The following LAMA1 variants were observed in gnomAD, a reference collection of about 807,000 sequenced individuals.
The protein encoded by LAMA1 is laminin subunit alpha-1.
LAMA1 carries 219 observed loss-of-function variants against 348.7 expected under a neutral mutation model. The ratio of observed to expected loss-of-function variants is 0.63; its 90% CI spans 0.56 to 0.70. LAMA1 has a LOEUF of 0.70. Among genes scored for constraint, LAMA1 ranks in the 30% least tolerant of loss-of-function variants. The pLI is 0.00. For synonymous variants in LAMA1, 1,487 were observed against 1,491.0 expected (o/e 1.00, Z 0.06); for missense variants, 3,744 against 3,888.0 (o/e 0.96, Z 0.99).
intron 57 of LAMA1, among the ~76,000 whole-genome samples, chr18:6,951,842 A>C (rs568989815): frequency 6.6e-5 from 10 of 152,330 alleles, no homozygotes; most frequent in Admixed American, 5.9e-4. Context: ...AATGAAAAAT[A>C]GCCCCTAGGC....
At chr18:6,954,902 T>G in intron 57 of LAMA1, 1 of 260,304 alleles carries the variant, frequency 3.8e-6, no homozygotes, top group South Asian at 4.6e-5. Flanking sequence ...GGCAGAAGGG[T>G]CCCAGGGACA....
chr18:7,017,328 G>A lies in LAMA1; in HGVS notation c.2758C>T (p.Leu920Phe), dbSNP rs1276740094. ...HSAVCHLETG[L>F]CDCKPNVTGQ... ...GTCACGTTTGGTTTGCAGTCACAGA[G>A]CCCGGTCTCAAGATGGCACACGGCA... Residue 920 changes from leucine (L) to phenylalanine (F), a missense_variant, in exon 20 of 63, where the codon CTC becomes TTC. Physicochemically the swap from Leu to Phe is conservative, Grantham distance 22 (BLOSUM62 0). Around this residue, in one of 3 missense-constraint regions of LAMA1, gnomAD observed 1,529 missense variants for 1,689.4 expected, o/e 0.91. Transcript: ENST00000389658. 5.0e-6 allele frequency: 8 copies of A among 1,613,930 alleles called. No individual in the cohort carries two copies. The highest frequency in any genetic ancestry group is 1.7e-5 in the Admixed American group (1 of 59,984).
chr18:6,973,030 T>C, intron 47 of LAMA1, 27 bp downstream of exon 47: 2 of 1,613,476 alleles, frequency 1.2e-6, no homozygotes, highest in Non-Finnish European at 1.7e-6. Context: ...CAATCAGTCC[T>C]GTTCAGAAGA....
intron 14 of LAMA1, 44 bp downstream of exon 14, chr18:7,034,435 G>C (rs745614640): frequency 9.4e-6 from 13 of 1,387,128 alleles, no homozygotes; most frequent in Non-Finnish European, 1.2e-5. Flanking sequence ...ACATAAAATG[G>C]AAGTACCTTC....
chr18:6,965,794 A>G, intron 49 of LAMA1: 1 of 400,090 alleles, frequency 2.5e-6, no homozygotes, highest in South Asian at 2.7e-5. Flanking sequence ...TGAAATTCCC[A>G]TGGATGGAAT....
rs1057059193 is a variant in LAMA1, at chr18:6,942,329, G to T, written c.9068-90C>A. On this transcript the variant is annotated intron_variant, in intron 62 of 62. Transcript: ENST00000389658. Reference sequence around the variant, plus strand: ...AAGCAACAGAAATAATCTCAAGCGGGTTTTTTTATTTTTTAAATTTTTCAC... The same window carrying T: ...AAGCAACAGAAATAATCTCAAGCGGTTTTTTTTATTTTTTAAATTTTTCAC... 5 of 1,400,892 alleles carry T rather than the reference G, an allele frequency of 3.6e-6. No homozygotes were observed. In the East Asian group the frequency reaches 7.3e-5, roughly 20 times the overall value. The allele number at this position is 1,400,892 out of a possible 1,614,324, so 86.8% of individuals were successfully genotyped here.
At chr18:7,100,178 A>T (rs753259616) in intron 1 of LAMA1, among the ~76,000 whole-genome samples, 24 of 152,144 alleles carry the variant, frequency 1.6e-4, no homozygotes, top group Non-Finnish European at 2.8e-4. Context: ...AAGAATATAA[A>T]CAACTTGATT....
At chr18:7,001,180 A>G (rs1285810585) in intron 30 of LAMA1, among the ~76,000 whole-genome samples, 2 of 152,210 alleles carry the variant, frequency 1.3e-5, no homozygotes, top group Admixed American at 6.5e-5. Context: ...ATTCAATTAC[A>G]TACTTCAATT....
intron 3 of LAMA1, among the ~76,000 whole-genome samples, chr18:7,064,230 G>T (rs551551227): frequency 1.3e-5 from 2 of 151,912 alleles, no homozygotes; most frequent in Non-Finnish European, 1.5e-5. Flanking sequence ...ACAAAAAAAG[G>T]TTACAATGGT....
intron 1 of LAMA1, among the ~76,000 whole-genome samples, chr18:7,096,141 T>A (rs2058260413): frequency 6.6e-6 from 1 of 152,236 alleles, no homozygotes; most frequent in African/African-American, 2.4e-5. Flanking sequence ...GTTAAGCAGC[T>A]AGTATTAAAA....
At chr18:7,093,978 C>T (rs928540740) in intron 1 of LAMA1, among the ~76,000 whole-genome samples, 1 of 151,642 alleles carries the variant, frequency 6.6e-6, no homozygotes, top group Non-Finnish European at 1.5e-5. Context: ...GGTTTTGCCA[C>T]GTTGTCCAAG....
chr18:7,049,337 T>C, intron 4 of LAMA1, 80 bp from the exon 5 acceptor site: 1 of 1,325,434 alleles, frequency 7.5e-7, no homozygotes, highest in Non-Finnish European at 1.1e-6. Flanking sequence ...TCTCGCTCTT[T>C]GGTCCAGGCT....
intron 3 of LAMA1, among the ~76,000 whole-genome samples, chr18:7,060,521 C>A (rs1228123004): frequency 6.6e-6 from 1 of 152,142 alleles, no homozygotes. Flanking sequence ...AAGCAGATTT[C>A]TTTCCTTAAA....
chr18:6,954,733 AG>A (rs1453683292), intron 57 of LAMA1: 12 of 152,494 alleles, frequency 7.9e-5, no homozygotes, highest in Admixed American at 6.5e-5. Flanking sequence ...CCCAGGTCTA[AG>A]GGGGTATGAC....
intron 57 of LAMA1, 173 bp downstream of exon 57, chr18:6,955,180 A>C: frequency 1.5e-6 from 1 of 649,478 alleles, no homozygotes; most frequent in Admixed American, 2.2e-5. Flanking sequence ...ACCACCATGA[A>C]AGCGTTGTGA....
At chr18:6,955,181 A>G in intron 57 of LAMA1, 172 bp downstream of exon 57, 1 of 650,538 alleles carries the variant, frequency 1.5e-6, no homozygotes, top group South Asian at 1.7e-5. Flanking sequence ...CCACCATGAA[A>G]GCGTTGTGAT....
At chr18:6,988,349 C>G (rs559055902) in intron 36 of LAMA1, among the ~76,000 whole-genome samples, 3 of 152,318 alleles carry the variant, frequency 2.0e-5, no homozygotes, top group Admixed American at 1.3e-4. Context: ...AACTGCCAGG[C>G]AGATTCCTTG....
intron 35 of LAMA1, 142 bp from the exon 36 acceptor site, chr18:6,992,862 C>T (rs1229961835): frequency 1.5e-6 from 1 of 670,382 alleles, no homozygotes; most frequent in Non-Finnish European, 2.6e-6. Context: ...GGCCACCTGG[C>T]ATATCCCAGT....
At position 6,947,280 on chromosome 18, in the gene LAMA1, T is replaced by C; in HGVS notation, c.8727A>G (p.Lys2909=). Residue 2909 remains lysine, a synonymous_variant, in exon 61 of 63, where the codon AAA becomes AAG. Transcript: ENST00000389658. ...GTGTGATGTTCACATCTGACTGGACTTTGTAGCCCTCTTTGACTGTAACAC... is the reference window on the plus strand; with the variant it reads ...GTGTGATGTTCACATCTGACTGGACCTTGTAGCCCTCTTTGACTGTAACAC... The part of the protein sequence containing the change: ...GYAALVKEGY[K]VQSDVNITLE... The C allele has an allele frequency of 6.2e-7, 1 of 1,613,838 alleles. No homozygotes were observed.
Sources: gnomAD v4.1 joint callset for allele counts (sites outside exome capture counted in the v4.1 genomes callset) on GRCh38, gnomAD v4.1.1 for gene constraint, gnomAD v4.1.1 regional missense constraint, MANE v1.5 for transcripts, NCBI Gene and HGNC (gene_info 2026-07-23, HGNC 2026-07-21) for gene names.